The following CTNNA2 variants were observed in gnomAD, a reference collection of about 807,000 sequenced individuals.
CTNNA2 encodes the protein catenin alpha-2.
CTNNA2 carries 42 observed loss-of-function variants against 101.0 expected under a neutral mutation model. That is an observed-to-expected ratio of 0.42 (90% CI 0.32 to 0.54). CTNNA2 has a LOEUF of 0.54. CTNNA2 is among the 20% of genes least tolerant of loss of function. The probability of loss-of-function intolerance (pLI) is 0.14; values close to 1 mark genes in which losing one functional copy is unlikely to be tolerated. For synonymous variants in CTNNA2, 450 were observed against 456.4 expected (o/e 0.99, Z 0.18); for missense variants, 871 against 1,223.1 (o/e 0.71, Z 4.29).
chr2:80,303,685 G>C lies in CTNNA2; in HGVS notation c.1057-89526G>C. Reference sequence around the variant, plus strand: ...CCTCGCAGTACAGCAGCCGCCCCTCGCACCGGCACAGCTGCGGGCACCCGC... The same window carrying C: ...CCTCGCAGTACAGCAGCCGCCCCTCCCACCGGCACAGCTGCGGGCACCCGC... On this transcript the variant is annotated intron_variant, in intron 7 of 18. Coordinates refer to ENST00000402739, the MANE Select transcript of CTNNA2 (RefSeq NM_001282597.3). The surrounding 1 kb of genome is among the most constrained non-coding windows in gnomAD (Gnocchi z 7.7). 1.2e-6 allele frequency: 2 copies of C among 1,610,714 alleles called. No homozygotes were observed. Among genetic ancestry groups the C allele is most frequent in the Non-Finnish European group, 8.5e-7 (1 of 1,178,082 alleles).
At chr2:79,295,164 C>T (rs1675948510) in intron 2 of CTNNA2, among the ~76,000 whole-genome samples, 1 of 152,132 alleles carries the variant, frequency 6.6e-6, no homozygotes, top group African/African-American at 2.4e-5. Context: ...ATCAGTCTAG[C>T]ACCTGCAACC....
intron 7 of CTNNA2, among the ~76,000 whole-genome samples, chr2:80,129,491 G>A (rs1302948802): frequency 6.6e-6 from 1 of 152,094 alleles, no homozygotes; most frequent in African/African-American, 2.4e-5. Flanking sequence ...TCAGCCCTAT[G>A]TTGGAATCCC....
At chr2:80,150,900 C>T (rs1049968010) in intron 7 of CTNNA2, among the ~76,000 whole-genome samples, 4 of 152,084 alleles carry the variant, frequency 2.6e-5, no homozygotes, top group East Asian at 3.9e-4. Context: ...GAGGGATGGT[C>T]GTGGGCAGGT....
intron 7 of CTNNA2, among the ~76,000 whole-genome samples, chr2:80,363,168 A>G (rs929571402): frequency 2.0e-5 from 3 of 152,138 alleles, no homozygotes; most frequent in Admixed American, 6.6e-5. Context: ...AAAAATAAAT[A>G]TAAGTACAAG....
intron 2 of CTNNA2, among the ~76,000 whole-genome samples, chr2:79,312,003 A>G (rs1676385711): frequency 6.6e-6 from 1 of 152,000 alleles, no homozygotes; most frequent in African/African-American, 2.4e-5. Flanking sequence ...CCTGCTCAAC[A>G]GATCCTTCTG....
chr2:79,197,283 A>G (rs1260834718), intron 1 of CTNNA2, among the ~76,000 whole-genome samples: 2 of 152,132 alleles, frequency 1.3e-5, no homozygotes, highest in African/African-American at 4.8e-5. Flanking sequence ...GCATGAAGGA[A>G]AAGCTTTAGA....
intron 3 of CTNNA2, among the ~76,000 whole-genome samples, chr2:79,750,466 A>G (rs1169204739): frequency 2.6e-5 from 4 of 152,208 alleles, no homozygotes; most frequent in Non-Finnish European, 4.4e-5. Flanking sequence ...AGCCCTGCTT[A>G]GATTACTTAT....
intron 3 of CTNNA2, among the ~76,000 whole-genome samples, chr2:79,798,703 A>C (rs1475716165): frequency 2.0e-5 from 3 of 152,122 alleles, no homozygotes; most frequent in African/African-American, 7.2e-5. Context: ...ATTGAAGAGC[A>C]TAGACAGATA....
At chr2:79,197,728 C>G (rs1473829630) in intron 1 of CTNNA2, among the ~76,000 whole-genome samples, 2 of 152,232 alleles carry the variant, frequency 1.3e-5, no homozygotes, top group Non-Finnish European at 2.9e-5. Context: ...TACCTAGCCT[C>G]TGTGCCGTGG....
intron 7 of CTNNA2, among the ~76,000 whole-genome samples, chr2:80,196,120 TA>T (rs1038233570): frequency 3.3e-5 from 5 of 152,190 alleles, no homozygotes; most frequent in Non-Finnish European, 5.9e-5. Context: ...TCTTTTTTTG[TA>T]AAATGCATGT....
At chr2:80,309,960 C>G (rs1173480095) in intron 7 of CTNNA2, among the ~76,000 whole-genome samples, 1 of 151,954 alleles carries the variant, frequency 6.6e-6, no homozygotes, top group Admixed American at 6.6e-5. Flanking sequence ...AAAGTGTAGG[C>G]CTGAGACCAC....
At chr2:79,474,060 T>C (rs1006619639) in intron 4 of CTNNA2, among the ~76,000 whole-genome samples, 8 of 152,182 alleles carry the variant, frequency 5.3e-5, no homozygotes, top group African/African-American at 1.9e-4. Context: ...GACTACTTTT[T>C]TAGACTTCAA....
At chr2:80,243,380 G>C (rs1479842962) in intron 7 of CTNNA2, among the ~76,000 whole-genome samples, 5 of 151,850 alleles carry the variant, frequency 3.3e-5, no homozygotes, top group Non-Finnish European at 7.4e-5. Flanking sequence ...ATGATGAAAA[G>C]ATCCATGACG....
At chr2:79,771,853 A>G (rs574702134) in intron 3 of CTNNA2, among the ~76,000 whole-genome samples, 2 of 152,328 alleles carry the variant, frequency 1.3e-5, no homozygotes, top group African/African-American at 4.8e-5. Flanking sequence ...GAGAATTCTC[A>G]TTGCGACTGT....
At chr2:79,444,288 T>G (rs1278962250) in intron 4 of CTNNA2, among the ~76,000 whole-genome samples, 1 of 152,160 alleles carries the variant, frequency 6.6e-6, no homozygotes, top group Non-Finnish European at 1.5e-5. Context: ...ATAAATAGTA[T>G]GATATTTGAC....
intron 7 of CTNNA2, among the ~76,000 whole-genome samples, chr2:80,085,911 C>T (rs1699412408): frequency 6.6e-6 from 1 of 151,972 alleles, no homozygotes; most frequent in South Asian, 2.1e-4. Context: ...TAATACAGCA[C>T]AAAATTCAAA....
At chr2:79,506,033 C>T (rs2103812297) in intron 5 of CTNNA2, among the ~76,000 whole-genome samples, 1 of 152,232 alleles carries the variant, frequency 6.6e-6, no homozygotes, top group Admixed American at 6.5e-5. Context: ...TAATAATACA[C>T]AATGTAAACA....
chr2:79,687,498 AT>A (rs1684013260), intron 2 of CTNNA2: 1 of 572,776 alleles, frequency 1.7e-6, no homozygotes, highest in Non-Finnish European at 3.2e-6. Context: ...TTTTATTTGC[AT>A]TACCCAGAGG....
intron 9 of CTNNA2, among the ~76,000 whole-genome samples, chr2:80,459,641 T>C (rs1265700220): frequency 1.3e-5 from 2 of 152,112 alleles, no homozygotes; most frequent in Non-Finnish European, 2.9e-5. Context: ...ATTCCTAACC[T>C]GGAACATACC....
Sources: allele counts gnomAD v4.1 joint callset (sites outside exome capture counted in the v4.1 genomes callset), GRCh38; gene constraint gnomAD v4.1.1; non-coding constraint Gnocchi (gnomAD v3.1); transcripts MANE v1.5; gene names NCBI Gene and HGNC (gene_info 2026-07-23, HGNC 2026-07-21).